HSD17B12: variants seen among roughly 807,000 people sequenced by gnomAD.
The protein encoded by HSD17B12 is very-long-chain 3-oxoacyl-CoA reductase.
Under a neutral mutation model 39.3 loss-of-function variants are expected in HSD17B12, and 32 were observed. That is an observed-to-expected ratio of 0.81 (90% CI 0.61 to 1.09). The LOEUF (loss-of-function observed/expected upper bound fraction) is 1.09, where lower values mean the gene tolerates loss of function less well. Ranked by LOEUF, HSD17B12 falls within the 50% of genes least tolerant of loss-of-function variation. The pLI is 0.00. For synonymous variants in HSD17B12, 150 were observed against 146.7 expected, an observed-to-expected ratio of 1.02 and a Z score of -0.16; for missense variants, 342 against 382.9, an observed-to-expected ratio of 0.89 and a Z score of 0.89.
At chr11:43,569,204 C>G in the HSD17B12 span, 1 of 152,186 alleles carries the variant, frequency 6.6e-6, no homozygotes. Flanking sequence ...GGGACAGTGG[C>G]TACAGCAGAC....
At chr11:43,757,430 G>A (rs1473564087) in intron 3 of HSD17B12, among the ~76,000 whole-genome samples, 1 of 150,366 alleles carries the variant, frequency 6.7e-6, no homozygotes, top group African/African-American at 2.4e-5. Flanking sequence ...TCAGGAGATC[G>A]AGACCATCCT....
At chr11:43,812,365 C>T (rs149228907) in intron 4 of HSD17B12, among the ~76,000 whole-genome samples, 178 of 152,308 alleles carry the variant, frequency 1.2e-3, no homozygotes, top group Non-Finnish European at 2.3e-3. Flanking sequence ...GCTTTCTCTG[C>T]GTCCTTGCCA....
At chr11:43,655,278 T>G in the HSD17B12 span, among the ~76,000 whole-genome samples, 1 of 152,230 alleles carries the variant, frequency 6.6e-6, no homozygotes, top group Non-Finnish European at 1.5e-5. Context: ...TTTGCTGAAG[T>G]TGCTTATCAG....
the HSD17B12 span, among the ~76,000 whole-genome samples, chr11:43,625,634 A>T: frequency 6.6e-6 from 1 of 151,486 alleles, no homozygotes; most frequent in Non-Finnish European, 1.5e-5. Flanking sequence ...TATAAAAAGT[A>T]TGCTATCCCT....
chr11:43,562,559 A>G, the HSD17B12 span, among the ~76,000 whole-genome samples: 1 of 152,170 alleles, frequency 6.6e-6, no homozygotes. Flanking sequence ...ATTTTTTATT[A>G]TTATTTTAGC....
chr11:43,846,122 G>T (rs904463769), intron 9 of HSD17B12, among the ~76,000 whole-genome samples: 1 of 152,146 alleles, frequency 6.6e-6, no homozygotes, highest in East Asian at 1.9e-4. Context: ...TTCAACATCC[G>T]GTGATCATCT....
At chr11:43,718,002 G>C (rs565563920) in intron 1 of HSD17B12, among the ~76,000 whole-genome samples, 1 of 151,696 alleles carries the variant, frequency 6.6e-6, no homozygotes, top group Non-Finnish European at 1.5e-5. Context: ...ATGGAATTTC[G>C]CCATGTTGCT....
chr11:43,637,543 G>T, the HSD17B12 span, among the ~76,000 whole-genome samples: 8 of 152,198 alleles, frequency 5.3e-5, no homozygotes, highest in African/African-American at 1.9e-4. Context: ...TTTCTTAGAA[G>T]AATGTGCTAC....
At chr11:43,583,203 C>A in the HSD17B12 span, among the ~76,000 whole-genome samples, 2 of 152,198 alleles carry the variant, frequency 1.3e-5, no homozygotes, top group Admixed American at 6.5e-5. Flanking sequence ...GTTGAGCCAC[C>A]GCAGCGCAGG....
At chr11:43,574,768 A>G in the HSD17B12 span, among the ~76,000 whole-genome samples, 1 of 152,208 alleles carries the variant, frequency 6.6e-6, no homozygotes, top group South Asian at 2.1e-4. Flanking sequence ...AGCAGAAAAA[A>G]GATATCCTGG....
the HSD17B12 span, among the ~76,000 whole-genome samples, chr11:43,576,123 C>T: frequency 1.4e-4 from 21 of 152,282 alleles, no homozygotes; most frequent in Middle Eastern, 3.4e-3. Context: ...AAGAATACAA[C>T]CACTCCAACG....
chr11:43,642,088 T>C, the HSD17B12 span, among the ~76,000 whole-genome samples: 1 of 151,860 alleles, frequency 6.6e-6, no homozygotes, highest in Admixed American at 6.5e-5. Context: ...TACTGTTACG[T>C]ATAAATATTT....
In HSD17B12 at chr11:43,855,213, C is replaced by G. The variant is rs747912181; in HGVS notation, c.904C>G (p.Arg302Gly). 1.2e-6 allele frequency: 2 copies of G among 1,609,938 alleles called. No individual in the cohort carries two copies. Among genetic ancestry groups the G allele is most frequent in the African/African-American group, 2.7e-5 (2 of 74,732 alleles). The change falls in exon 11 of 11, where the codon CGG (arginine) becomes GGG (glycine). Residue 302 changes from arginine to glycine, a missense_variant. Transcript: ENST00000278353. ...KIVMNMNKST[R>G]AHYLKKTKKN ...AGTCATGAATATGAACAAGTCTACA[C>G]GGGCTCACTATCTGAAGAAAACCAA...
rs117104291 is a variant in HSD17B12, at chr11:43,770,630, G to A, written c.283+16509G>A. On this transcript the variant is annotated intron_variant, in intron 3 of 10. Transcript: ENST00000278353. ...GTGCACCTGTGGTCCCAGCCACTGG[G>A]GAGGCTGAGGTGGAGGATTGCTTAA... is the stretch of plus-strand genomic sequence containing the variant. Among the ~76,000 whole-genome samples, 1,412 of 152,336 alleles carry A rather than the reference G, an allele frequency of 9.3e-3. 11 individuals are homozygous for A. The highest frequency in any genetic ancestry group is 0.014 in the Non-Finnish European group (956 of 68,034).
the HSD17B12 span, among the ~76,000 whole-genome samples, chr11:43,609,493 G>T: frequency 0.16 from 23,885 of 151,588 alleles, 2,041 homozygotes; most frequent in Middle Eastern, 0.26. Flanking sequence ...AGCCTCCCAA[G>T]TAACTAGGAT....
rs1180154284 is a variant in HSD17B12 at position 43,855,512 on chromosome 11, TAGAA to T, written c.*267_*270del. 5.0e-6 allele frequency: 1 copy of T among 201,056 alleles called. No homozygotes were observed. Among genetic ancestry groups the T allele is most frequent in the African/African-American group, 2.3e-5 (1 of 43,236 alleles). 12.5% of individuals were successfully genotyped at this position (201,056 alleles called of 1,614,324 possible). A position where few individuals can be genotyped will look rare whatever the true frequency, so the allele number is the denominator to read the frequency against. ...AACTAATATTGTCGGGAACACCTAA[TAGAA>T]AGGAATACTATTATAGCAAATCACA... On this transcript the variant is annotated 3_prime_UTR_variant, in exon 11 of 11. Coordinates refer to ENST00000278353, the MANE Select transcript of HSD17B12 (RefSeq NM_016142.3).
the HSD17B12 span, among the ~76,000 whole-genome samples, chr11:43,636,707 T>C: frequency 2.6e-5 from 4 of 152,224 alleles, no homozygotes; most frequent in African/African-American, 9.6e-5. Flanking sequence ...AGGAACTGTT[T>C]TGAGTGCTTT....
chr11:43,809,148 G>A (rs964043364), intron 4 of HSD17B12, among the ~76,000 whole-genome samples: 1 of 152,206 alleles, frequency 6.6e-6, no homozygotes, highest in African/African-American at 2.4e-5. Context: ...CACAAAACAG[G>A]AGTTTGATAA....
intron 9 of HSD17B12, 101 bp from the exon 10 acceptor site, chr11:43,854,614 A>G (rs1951563586): frequency 1.6e-6 from 2 of 1,259,292 alleles, no homozygotes; most frequent in African/African-American, 3.0e-5. Context: ...AAAGATACAG[A>G]TGTTTCTACC....
Sources: gnomAD v4.1 joint callset for allele counts (sites outside exome capture counted in the v4.1 genomes callset) on GRCh38, gnomAD v4.1.1 for gene constraint, MANE v1.5 for transcripts, NCBI Gene and HGNC (gene_info 2026-07-23, HGNC 2026-07-21) for gene names.